TLL1: variants seen among roughly 807,000 people sequenced by gnomAD.
The protein encoded by TLL1 is tolloid like 1, also known as tolloid-like protein 1.
Under a neutral mutation model 128.2 loss-of-function variants are expected in TLL1, and 49 were observed. The observed-to-expected ratio is 0.38, with a 90% CI of 0.30 to 0.48. TLL1 has a LOEUF of 0.48. Ranked by LOEUF, TLL1 falls within the 20% of genes least tolerant of loss-of-function variation. TLL1 has a pLI of 0.96. For missense variants in TLL1, 1,123 were observed against 1,242.0 expected (o/e 0.90, Z 1.44); for synonymous variants, 454 against 418.8 (o/e 1.08, Z -1.03).
chr4:166,025,471 A>G, intron 9 of TLL1, 40 bp downstream of exon 9: 1 of 1,418,796 alleles, frequency 7.0e-7, no homozygotes, highest in Non-Finnish European at 1.0e-6. Context: ...ATTCTTATAT[A>G]AGTACAAAAG....
intron 15 of TLL1, among the ~76,000 whole-genome samples, chr4:166,063,031 G>A (rs1362090494): frequency 6.6e-6 from 1 of 151,902 alleles, no homozygotes; most frequent in East Asian, 1.9e-4. Context: ...TTATTGATTT[G>A]CTAACATCAG....
intron 1 of TLL1, among the ~76,000 whole-genome samples, chr4:165,899,384 C>G (rs1731844693): frequency 6.6e-6 from 1 of 152,188 alleles, no homozygotes; most frequent in African/African-American, 2.4e-5. Context: ...CTTCTAAACA[C>G]TGCCTTAGCT....
rs1277613820 is a variant in TLL1, at chr4:166,101,003, CA to C, written c.*128del. ...TTTGAACAAAAAATCCCTGTAAGAC[CA>C]GAATTATCTTTGTACTAAAAGAGAA... On this transcript the variant is annotated 3_prime_UTR_variant, in exon 21 of 21. Transcript: ENST00000061240. 3.3e-6 allele frequency: 4 copies of C among 1,226,470 alleles called. No individual in the cohort carries two copies. The African/African-American group carries it at 6.2e-5, about 19-fold the overall frequency. The allele number at this position is 1,226,470 out of a possible 1,614,324, so 76.0% of individuals were successfully genotyped here.
At chr4:166,058,984 C>G (rs1004245999) in intron 14 of TLL1, among the ~76,000 whole-genome samples, 4 of 152,058 alleles carry the variant, frequency 2.6e-5, no homozygotes, top group African/African-American at 9.7e-5. Context: ...ACCTATTAAC[C>G]TACTAATCTT....
At chr4:166,055,341 T>C (rs1739955429) in intron 13 of TLL1, 70 bp downstream of exon 13, 1 of 1,367,142 alleles carries the variant, frequency 7.3e-7, no homozygotes, top group East Asian at 2.3e-5. Flanking sequence ...AGCTTTGATT[T>C]AGGGGAGAAC....
chr4:165,876,852 G>A (rs1396616261), intron 1 of TLL1, among the ~76,000 whole-genome samples: 3 of 152,182 alleles, frequency 2.0e-5, no homozygotes, highest in African/African-American at 7.2e-5. Flanking sequence ...TACTAGAGAT[G>A]CGATTGCTTG....
chr4:165,937,198 A>T (rs1285681899), intron 1 of TLL1, among the ~76,000 whole-genome samples: 1 of 152,088 alleles, frequency 6.6e-6, no homozygotes, highest in Non-Finnish European at 1.5e-5. Context: ...ACTGTTTCTT[A>T]GTCTATTCTG....
chr4:166,006,182 A>G (rs983033938), intron 6 of TLL1, among the ~76,000 whole-genome samples: 9 of 151,838 alleles, frequency 5.9e-5, no homozygotes, highest in African/African-American at 1.9e-4. Context: ...CCAAATTGGT[A>G]TAAGGATTGG....
At chr4:166,047,888 G>A (rs749983286) in intron 12 of TLL1, among the ~76,000 whole-genome samples, 1 of 152,020 alleles carries the variant, frequency 6.6e-6, no homozygotes, top group Non-Finnish European at 1.5e-5. Context: ...GGGGTCTTTG[G>A]GACATGATTA....
chr4:166,060,299 C>A (rs1740246705), intron 15 of TLL1, 111 bp downstream of exon 15: 1 of 1,166,104 alleles, frequency 8.6e-7, no homozygotes, highest in Non-Finnish European at 1.2e-6. Flanking sequence ...ACATTGTATT[C>A]TTTCTTTGTC....
intron 18 of TLL1, among the ~76,000 whole-genome samples, chr4:166,084,732 C>G (rs1406642701): frequency 6.6e-6 from 1 of 151,994 alleles, no homozygotes; most frequent in African/African-American, 2.4e-5. Context: ...TCTGTTTTAT[C>G]AGTTTATGTG....
At chr4:166,058,725 GT>G (rs1314059368) in intron 14 of TLL1, among the ~76,000 whole-genome samples, 1 of 152,064 alleles carries the variant, frequency 6.6e-6, no homozygotes, top group African/African-American at 2.4e-5. Flanking sequence ...ATGTGTAGCA[GT>G]TTAACATTAT....
chr4:165,956,852 G>A lies in TLL1; in HGVS notation c.170-32529G>A, dbSNP rs890749363. ...ATGTTCCTCTGCTGTGGCTCCAGCCGGTCCCTCTGTTTGGGGTCCCTGACT... is the reference window on the plus strand; with the variant it reads ...ATGTTCCTCTGCTGTGGCTCCAGCCAGTCCCTCTGTTTGGGGTCCCTGACT... On this transcript the variant is annotated intron_variant, in intron 1 of 20. Coordinates refer to ENST00000061240, the MANE Select transcript of TLL1 (RefSeq NM_012464.5). Among the ~76,000 whole-genome samples the A allele has an allele frequency of 5.9e-5, 9 of 152,026 alleles. No individual in the cohort carries two copies. In the East Asian group the frequency reaches 7.8e-4, roughly 13 times the overall value.
At chr4:165,970,611 T>C (rs1306403964) in intron 1 of TLL1, among the ~76,000 whole-genome samples, 1 of 152,186 alleles carries the variant, frequency 6.6e-6, no homozygotes, top group Non-Finnish European at 1.5e-5. Flanking sequence ...TCTAAGAGTC[T>C]TTCCCTTTAC....
At position 166,014,509 on chromosome 4, in the gene TLL1, C is replaced by T. The variant is rs757762634; in HGVS notation, c.991C>T (p.Arg331Cys). ...GIRPAIGQRT[R>C]LSKGDIAQAR... ...ACGTCCTGCAATTGGTCAGCGAACC[C>T]GTCTAAGCAAAGGAGATATCGCACA... Residue 331 changes from arginine to cysteine, a missense_variant, in exon 8 of 21, where the codon CGT becomes TGT. Coordinates refer to ENST00000061240, the MANE Select transcript of TLL1 (RefSeq NM_012464.5). 1.6e-5 allele frequency: 25 copies of T among 1,612,198 alleles called. No individual in the cohort carries two copies. Among genetic ancestry groups the T allele is most frequent in the Admixed American group, 3.3e-5 (2 of 59,886 alleles).
intron 14 of TLL1, 35 bp downstream of exon 14, chr4:166,057,344 C>T (rs1376824705): frequency 3.1e-6 from 5 of 1,612,068 alleles, no homozygotes; most frequent in Non-Finnish European, 1.7e-6. Flanking sequence ...CCCCACCCCC[C>T]ACAATTATTT....
At chr4:165,935,169 A>C (rs1445411407) in intron 1 of TLL1, among the ~76,000 whole-genome samples, 1 of 152,214 alleles carries the variant, frequency 6.6e-6, no homozygotes, top group Non-Finnish European at 1.5e-5. Flanking sequence ...CAAAACTAAA[A>C]GGCAGTGGAG....
intron 1 of TLL1, among the ~76,000 whole-genome samples, chr4:165,980,047 C>G (rs1186295702): frequency 6.6e-6 from 1 of 152,136 alleles, no homozygotes; most frequent in Non-Finnish European, 1.5e-5. Flanking sequence ...AAGTGCCTAT[C>G]CAAACCGTAT....
At position 165,873,896 on chromosome 4, in the gene TLL1, G is replaced by C. The variant is rs777802731; in HGVS notation, c.-9G>C. The stretch of plus-strand genomic sequence containing the variant: ...GTCCCGTCCCCTCCTTTTCCTCCGG[G>C]GGAGGAGGATGGGGTTGGGAACGCT... On this transcript the variant is annotated 5_prime_UTR_variant, in exon 1 of 21. Coordinates refer to ENST00000061240, the MANE Select transcript of TLL1 (RefSeq NM_012464.5). 18 of 1,613,396 alleles carry C rather than the reference G, an allele frequency of 1.1e-5. 1 individual carries two copies. The South Asian group carries it at 1.9e-4, about 17-fold the overall frequency.
Sources: gnomAD v4.1 joint callset for allele counts (sites outside exome capture counted in the v4.1 genomes callset) on GRCh38, gnomAD v4.1.1 for gene constraint, MANE v1.5 for transcripts, NCBI Gene and HGNC (gene_info 2026-07-23, HGNC 2026-07-21) for gene names.